Variants in FARS2 observed in about 807,000 individuals in gnomAD.
FARS2 encodes phenylalanine--tRNA ligase, mitochondrial.
FARS2 carries 40 observed loss-of-function variants against 46.4 expected under a neutral mutation model. The observed-to-expected ratio is 0.86, with a 90% CI of 0.67 to 1.12. FARS2 has a LOEUF of 1.12. FARS2 is among the 50% of genes most tolerant of loss of function. The pLI is 0.00. For missense variants in FARS2, 513 were observed against 567.9 expected (o/e 0.90, Z 0.98); for synonymous variants, 234 against 214.9 (o/e 1.09, Z -0.78).
At chr6:5,273,750 C>A (rs1462764774) in intron 1 of FARS2, among the ~76,000 whole-genome samples, 3 of 152,120 alleles carry the variant, frequency 2.0e-5, no homozygotes, top group Non-Finnish European at 4.4e-5. Context: ...TTTGCCCAGA[C>A]CAATATCCTG....
intron 4 of FARS2, among the ~76,000 whole-genome samples, chr6:5,489,306 T>C (rs1205333891): frequency 6.6e-6 from 1 of 151,858 alleles, no homozygotes; most frequent in East Asian, 1.9e-4. Flanking sequence ...GTACAAAAAA[T>C]AGCCAGGCGT....
intron 5 of FARS2, among the ~76,000 whole-genome samples, chr6:5,605,965 A>T (rs966452433): frequency 2.6e-5 from 4 of 152,208 alleles, no homozygotes; most frequent in Non-Finnish European, 4.4e-5. Flanking sequence ...GAGAATTAGT[A>T]GTTAAGACGC....
At chr6:5,544,299 A>G (rs1293117547) in intron 4 of FARS2, among the ~76,000 whole-genome samples, 2 of 152,108 alleles carry the variant, frequency 1.3e-5, no homozygotes, top group Non-Finnish European at 2.9e-5. Context: ...GTGTTCCTAG[A>G]TCCCACCCAT....
chr6:5,492,840 G>T (rs113679059), intron 4 of FARS2, among the ~76,000 whole-genome samples: 28,249 of 152,170 alleles, frequency 0.19, 2,968 homozygotes, highest in African/African-American at 0.26. Context: ...AGAGTGGCTA[G>T]AGTGTATATA....
intron 1 of FARS2, among the ~76,000 whole-genome samples, chr6:5,367,957 T>A (rs1227864495): frequency 2.0e-5 from 3 of 152,192 alleles, no homozygotes; most frequent in Non-Finnish European, 4.4e-5. Context: ...TAAAACTTTT[T>A]AAAAAAATTA....
At chr6:5,327,230 G>C (rs965341416) in intron 1 of FARS2, among the ~76,000 whole-genome samples, 6 of 152,186 alleles carry the variant, frequency 3.9e-5, no homozygotes, top group African/African-American at 1.4e-4. Context: ...AATGCTAACA[G>C]TTATTATTCT....
At chr6:5,494,098 T>C (rs1459288908) in intron 4 of FARS2, among the ~76,000 whole-genome samples, 1 of 151,382 alleles carries the variant, frequency 6.6e-6, no homozygotes, top group African/African-American at 2.4e-5. Context: ...TCTCTAGCTC[T>C]TGTTTTCTGT....
Position 5,404,652 on chromosome 6 carries a change from T to C in FARS2, c.723T>C (p.Phe241=). The C allele has an allele frequency of 6.2e-7, 1 of 1,611,142 alleles. No homozygotes were observed. The highest frequency in any genetic ancestry group is 8.5e-7 in the Non-Finnish European group (1 of 1,178,346). The part of the protein sequence containing the change: ...HTMEAVKLVE[F]DLKQTLTRLM... ...TGGAGGCCGTGAAGCTTGTAGAGTT[T>C]GATCTTAAGCAAACGCTTACCAGGC... The change falls in exon 3 of 7, where the codon TTT becomes TTC. Residue 241 remains phenylalanine, a synonymous_variant. Coordinates refer to ENST00000274680, the MANE Select transcript of FARS2 (RefSeq NM_006567.5).
intron 1 of FARS2, among the ~76,000 whole-genome samples, chr6:5,262,363 A>G (rs1309595490): frequency 3.3e-5 from 5 of 151,644 alleles, no homozygotes; most frequent in African/African-American, 7.3e-5. Flanking sequence ...ACTGCAACCT[A>G]TGCCTCCCAG....
upstream of FARS2, chr6:5,261,005 C>T: frequency 1.9e-6 from 2 of 1,069,162 alleles, no homozygotes; most frequent in Non-Finnish European, 2.3e-6. Context: ...CGCCCCGATC[C>T]CGCCCCCGCC....
intron 4 of FARS2, among the ~76,000 whole-genome samples, chr6:5,535,260 G>A (rs56155323): frequency 0.07 from 10,701 of 152,150 alleles, 530 homozygotes; most frequent in Middle Eastern, 0.12. Flanking sequence ...TGATGCTTTT[G>A]TAAATGCAAT....
chr6:5,436,402 T>C (rs1302711099), intron 4 of FARS2, among the ~76,000 whole-genome samples: 2 of 152,284 alleles, frequency 1.3e-5, no homozygotes, highest in East Asian at 1.9e-4. Flanking sequence ...TGTAATAGCA[T>C]GGACCAAGGC....
At chr6:5,531,913 C>A (rs1308641287) in intron 4 of FARS2, among the ~76,000 whole-genome samples, 1 of 152,188 alleles carries the variant, frequency 6.6e-6, no homozygotes, top group Admixed American at 6.5e-5. Flanking sequence ...TGCTTTTATT[C>A]CTGCATGTCC....
intron 1 of FARS2, among the ~76,000 whole-genome samples, chr6:5,364,507 A>G (rs957509950): frequency 2.6e-5 from 4 of 152,184 alleles, no homozygotes; most frequent in African/African-American, 7.2e-5. Flanking sequence ...TATAATCTAC[A>G]TATATTTGTG....
At chr6:5,572,950 G>C (rs1352561500) in intron 5 of FARS2, among the ~76,000 whole-genome samples, 3 of 152,082 alleles carry the variant, frequency 2.0e-5, no homozygotes, top group Non-Finnish European at 4.4e-5. Context: ...ATGCTGTCTT[G>C]TTTCAATAGT....
At chr6:5,591,221 A>G (rs1243948656) in intron 5 of FARS2, among the ~76,000 whole-genome samples, 2 of 152,246 alleles carry the variant, frequency 1.3e-5, no homozygotes, top group Admixed American at 6.5e-5. Flanking sequence ...AGAGAAAAGA[A>G]TACCATACTT....
At chr6:5,501,270 T>C (rs2150381511) in intron 4 of FARS2, among the ~76,000 whole-genome samples, 1 of 152,226 alleles carries the variant, frequency 6.6e-6, no homozygotes, top group Admixed American at 6.5e-5. Flanking sequence ...TTCAGAGATA[T>C]GCTCACTGTG....
At position 5,398,982 on chromosome 6, in the gene FARS2, A is replaced by C. The variant is rs1412332102; in HGVS notation, c.613-5560A>C. The stretch of plus-strand genomic sequence containing the variant: ...GTTTTTCATCTTATTTAGTTAAAAT[A>C]CTGTTTTTGAAAGTTATTTTGGTTA... On this transcript the variant is annotated intron_variant, in intron 2 of 6. Coordinates refer to ENST00000274680, the MANE Select transcript of FARS2 (RefSeq NM_006567.5). 2.0e-5 allele frequency among the ~76,000 whole-genome samples: 3 copies of C among 152,140 alleles called. No individual in the cohort carries two copies. In the South Asian group the frequency reaches 6.2e-4, roughly 32 times the overall value.
At chr6:5,566,732 G>A (rs1183269361) in intron 5 of FARS2, among the ~76,000 whole-genome samples, 1 of 152,182 alleles carries the variant, frequency 6.6e-6, no homozygotes, top group African/African-American at 2.4e-5. Context: ...GTTAAGCTGG[G>A]CACTCTTTAA....
Sources: gnomAD v4.1 joint callset for allele counts (sites outside exome capture counted in the v4.1 genomes callset) on GRCh38, gnomAD v4.1.1 for gene constraint, MANE v1.5 for transcripts, NCBI Gene and HGNC (gene_info 2026-07-23, HGNC 2026-07-21) for gene names.